SCOC: variants seen among roughly 807,000 people sequenced by gnomAD.
SCOC encodes short coiled coil protein.
SCOC carries 7 observed loss-of-function variants against 9.9 expected under a neutral mutation model. The observed-to-expected ratio is 0.71, with a 90% CI of 0.40 to 1.33. The LOEUF (loss-of-function observed/expected upper bound fraction) is 1.33. SCOC is among the 40% of genes most tolerant of loss of function. The probability of loss-of-function intolerance (pLI) is 0.01; values close to 1 mark genes in which losing one functional copy is unlikely to be tolerated. For synonymous variants in SCOC, 19 were observed against 28.2 expected (o/e 0.67, Z 1.03); for missense variants, 66 against 89.7 (o/e 0.74, Z 1.07).
Position 140,286,569 on chromosome 4 carries a change from G to T in SCOC, c.-19+29159G>T, listed in dbSNP as rs1019344044. On this transcript the variant is annotated intron_variant, in intron 1 of 4. Transcript: ENST00000394205. ...TAGAGACTGCTTTTCCCTCTAATGA[G>T]CCAGCCTGCTCATTTAAAATGCAGT... Among the ~76,000 whole-genome samples the T allele has an allele frequency of 1.1e-4, 17 of 152,224 alleles. 1 individual carries two copies. The highest frequency in any genetic ancestry group is 1.1e-3 in the Admixed American group (17 of 15,286).
intron 2 of SCOC, among the ~76,000 whole-genome samples, chr4:140,362,273 C>CTCTTCTTCTTCTTCTTCTTCCT: frequency 1.0e-4 from 3 of 29,090 alleles, no homozygotes; most frequent in African/African-American, 3.7e-4. Context: ...ACAGGTGTGT[C>CTCTTCTTCTTCTTCTTCTTCCT]CTTACTTCTT....
rs1727885278 is a variant in SCOC at position 140,368,185 on chromosome 4, A to C, written c.71-10936A>C. Among the ~76,000 whole-genome samples the C allele has an allele frequency of 2.0e-5, 3 of 152,222 alleles. No homozygotes were observed. In the South Asian group the frequency reaches 6.2e-4, roughly 32 times the overall value. On this transcript the variant is annotated intron_variant, in intron 2 of 4. Transcript: ENST00000338517. Reference sequence around the variant, plus strand: ...CTAGGCTGAGCCAGAACAAGAACCCAGGTTTCTTCTTCTTCAAACCAATGC... The same window carrying C: ...CTAGGCTGAGCCAGAACAAGAACCCCGGTTTCTTCTTCTTCAAACCAATGC...
At chr4:140,296,711 A>G (rs1731648344) in intron 1 of SCOC, among the ~76,000 whole-genome samples, 1 of 152,072 alleles carries the variant, frequency 6.6e-6, no homozygotes, top group African/African-American at 2.4e-5. Context: ...TGATCTGAGC[A>G]TGTAGCTGAT....
chr4:140,285,351 C>A, intron 1 of SCOC: 2 of 449,988 alleles, frequency 4.4e-6, no homozygotes, highest in South Asian at 3.1e-5. Flanking sequence ...ACAAACAGGT[C>A]TTTGAAAATA....
At chr4:140,287,188 T>TAC (rs780531611) in intron 1 of SCOC, among the ~76,000 whole-genome samples, 1 of 150,046 alleles carries the variant, frequency 6.7e-6, no homozygotes, top group Non-Finnish European at 1.5e-5. Context: ...ACACACATGC[T>TAC]ACACACACAC....
chr4:140,354,546 T>C lies in SCOC; in HGVS notation c.70+10838T>C, dbSNP rs577444863. On this transcript the variant is annotated intron_variant, in intron 2 of 4. Transcript: ENST00000338517. ...TTTTTTTTTTTTGCAGGATATTTTT[T>C]ACCAACACAAACAGTAACTCCTCTA... Among the ~76,000 whole-genome samples, 3 of 151,214 alleles carry C rather than the reference T, an allele frequency of 2.0e-5. No individual in the cohort carries two copies. The East Asian group carries it at 5.8e-4, about 29-fold the overall frequency.
intron 1 of SCOC, among the ~76,000 whole-genome samples, chr4:140,286,403 G>A (rs937775396): frequency 6.6e-6 from 1 of 151,998 alleles, no homozygotes. Context: ...GGGAGGGATA[G>A]GGTGGTGGCA....
chr4:140,369,085 T>TA (rs758522797), upstream of SCOC, among the ~76,000 whole-genome samples: 5 of 152,358 alleles, frequency 3.3e-5, no homozygotes, highest in East Asian at 9.6e-4. Flanking sequence ...TGGTAATTTC[T>TA]TACATTCCCT....
At chr4:140,341,817 G>A (rs1454453805), upstream of SCOC, among the ~76,000 whole-genome samples, 1 of 152,196 alleles carries the variant, frequency 6.6e-6, no homozygotes, top group African/African-American at 2.4e-5. Flanking sequence ...AGTGCTGTGT[G>A]AAAACTAAGG....
intron 1 of SCOC, among the ~76,000 whole-genome samples, chr4:140,269,695 A>G (rs1211422502): frequency 6.6e-6 from 1 of 152,204 alleles, no homozygotes; most frequent in Non-Finnish European, 1.5e-5. Flanking sequence ...TTATGCAGCA[A>G]TGGCTAACGA....
chr4:140,293,517 G>A, intron 1 of SCOC: 3 of 393,682 alleles, frequency 7.6e-6, no homozygotes, highest in South Asian at 5.7e-5. Context: ...AAGAAGGATT[G>A]GATAGGAAGA....
intron 1 of SCOC, among the ~76,000 whole-genome samples, chr4:140,258,504 G>A (rs903529082): frequency 2.0e-5 from 3 of 152,226 alleles, no homozygotes; most frequent in Admixed American, 6.5e-5. Flanking sequence ...TAATTAGGCC[G>A]TCCTTAACCA....
intron 2 of SCOC, among the ~76,000 whole-genome samples, chr4:140,365,681 A>C (rs545533535): frequency 2.0e-4 from 30 of 152,200 alleles, no homozygotes; most frequent in African/African-American, 7.2e-4. Flanking sequence ...CCTTCTCCTC[A>C]GCTTGTTCAA....
intron 2 of SCOC, among the ~76,000 whole-genome samples, chr4:140,349,428 C>G (rs910242616): frequency 2.6e-5 from 4 of 152,160 alleles, no homozygotes; most frequent in African/African-American, 7.2e-5. Flanking sequence ...AGCACATCTG[C>G]AGGACAGATG....
At chr4:140,362,108 T>C in intron 2 of SCOC, among the ~76,000 whole-genome samples, 1 of 151,602 alleles carries the variant, frequency 6.6e-6, no homozygotes. Flanking sequence ...CTTTCTTTAG[T>C]TTTCTGCCTT....
chr4:140,314,970 G>C (rs1012187426), intron 1 of SCOC, among the ~76,000 whole-genome samples: 5 of 152,146 alleles, frequency 3.3e-5, no homozygotes, highest in Non-Finnish European at 5.9e-5. Context: ...CCAAATTTGG[G>C]TCTGTGTCCC....
At chr4:140,359,859 A>G (rs1727387138) in intron 2 of SCOC, among the ~76,000 whole-genome samples, 1 of 152,228 alleles carries the variant, frequency 6.6e-6, no homozygotes, top group African/African-American at 2.4e-5. Flanking sequence ...AGTGAGGGAT[A>G]GGACAGCATA....
intron 1 of SCOC, among the ~76,000 whole-genome samples, chr4:140,317,840 C>T: frequency 1.0e-5 from 1 of 98,566 alleles, no homozygotes. Flanking sequence ...CAGTGCTATC[C>T]CTCCCCCCTC....
chr4:140,262,839 AG>A (rs2126389528), intron 1 of SCOC, among the ~76,000 whole-genome samples: 1 of 150,398 alleles, frequency 6.6e-6, no homozygotes, highest in South Asian at 2.1e-4. Context: ...GAGAGAGTGA[AG>A]GGGGAGGTGC....
Sources: gnomAD v4.1 joint callset for allele counts (sites outside exome capture counted in the v4.1 genomes callset) on GRCh38, gnomAD v4.1.1 for gene constraint, MANE v1.5 for transcripts, NCBI Gene and HGNC (gene_info 2026-07-23, HGNC 2026-07-21) for gene names.